The following DENND6A variants were observed in gnomAD, a reference collection of about 807,000 sequenced individuals.
DENND6A encodes the protein DENN domain containing 6A, also known as protein DENND6A.
Under a neutral mutation model 95.5 loss-of-function variants are expected in DENND6A, and 43 were observed. That is an observed-to-expected ratio of 0.45 (90% confidence interval 0.35 to 0.58). The LOEUF (loss-of-function observed/expected upper bound fraction) is 0.58. Among genes scored for constraint, DENND6A ranks in the 20% least tolerant of loss-of-function variants. The pLI is 0.00. For missense variants in DENND6A, 574 were observed against 736.0 expected, an observed-to-expected ratio of 0.78 and a Z score of 2.55; for synonymous variants, 257 against 260.4, an observed-to-expected ratio of 0.99 and a Z score of 0.13.
chr3:57,633,542 C>T (rs1412820683), intron 14 of DENND6A, among the ~76,000 whole-genome samples, 188 bp from the exon 15 acceptor site: 1 of 152,090 alleles, frequency 6.6e-6, no homozygotes, highest in Non-Finnish European at 1.5e-5. Flanking sequence ...TTTACCGGAG[C>T]AAAACATAAG....
At chr3:57,647,019 A>G (rs1468915913) in intron 9 of DENND6A, among the ~76,000 whole-genome samples, 1 of 152,170 alleles carries the variant, frequency 6.6e-6, no homozygotes, top group African/African-American at 2.4e-5. Context: ...CTCTGCTAGT[A>G]TGTTACCAGG....
At chr3:57,659,031 C>G (rs2071377791) in intron 8 of DENND6A, 87 bp downstream of exon 8, 1 of 1,243,302 alleles carries the variant, frequency 8.0e-7, no homozygotes, top group African/African-American at 1.5e-5. Context: ...ATGTAATAAA[C>G]TCAAGAAACT....
Position 57,660,777 on chromosome 3 carries a change from T to G in DENND6A, c.682A>C (p.Met228Leu), listed in dbSNP as rs771062625. ...GATATTACCTTCATTACCACCCCCATGATTGGCAGGTGTAATGTTTTCCCT... is the reference window on the plus strand; with the variant it reads ...GATATTACCTTCATTACCACCCCCAGGATTGGCAGGTGTAATGTTTTCCCT... ...VPGKTLHLPI[M>L]GVVMKVRIPT... The change falls in exon 7 of 20, where the codon ATG (methionine) becomes CTG (leucine). Residue 228 changes from methionine to leucine, a missense_variant. Coordinates refer to ENST00000311128, the MANE Select transcript of DENND6A (RefSeq NM_152678.3). 6 of 1,608,708 alleles carry G rather than the reference T, an allele frequency of 3.7e-6. No individual in the cohort carries two copies. The highest frequency in any genetic ancestry group is 5.1e-6 in the Non-Finnish European group (6 of 1,177,594).
At chr3:57,644,733 A>G (rs1287508124) in intron 11 of DENND6A, among the ~76,000 whole-genome samples, 21 of 7,086 alleles carry the variant, frequency 3.0e-3, no homozygotes, top group Non-Finnish European at 4.2e-3. Flanking sequence ...GAGGAGGGGA[A>G]GGGAGGGGAG....
chr3:57,652,980 T>C (rs556849369), intron 9 of DENND6A, among the ~76,000 whole-genome samples: 1 of 152,330 alleles, frequency 6.6e-6, no homozygotes, highest in South Asian at 2.1e-4. Flanking sequence ...GAACTGGTCT[T>C]AGTATTAGAT....
chr3:57,637,813 AT>A (rs143270039), intron 12 of DENND6A, among the ~76,000 whole-genome samples: 106,709 of 144,662 alleles, frequency 0.74, 41,331 homozygotes, highest in East Asian at 0.99. Flanking sequence ...AACAAAAAAA[AT>A]AAATAAATAA....
chr3:57,677,782 C>T (rs192100117), intron 1 of DENND6A, among the ~76,000 whole-genome samples: 2 of 152,132 alleles, frequency 1.3e-5, no homozygotes, highest in African/African-American at 2.4e-5. Flanking sequence ...TCCTTGATGG[C>T]AGAAAGCACT....
At chr3:57,634,673 T>C in intron 13 of DENND6A, 31 bp downstream of exon 13, 1 of 1,502,720 alleles carries the variant, frequency 6.7e-7, no homozygotes, top group South Asian at 1.3e-5. Flanking sequence ...ACCATATAAA[T>C]ATATATTTAA....
chr3:57,669,197 A>T (rs1421676832), intron 3 of DENND6A, among the ~76,000 whole-genome samples: 2 of 152,030 alleles, frequency 1.3e-5, no homozygotes, highest in Non-Finnish European at 2.9e-5. Flanking sequence ...ATAAACACAT[A>T]AAAAAACCAA....
chr3:57,679,030 G>T (rs560694549), intron 1 of DENND6A, among the ~76,000 whole-genome samples: 1 of 152,362 alleles, frequency 6.6e-6, no homozygotes, highest in South Asian at 2.1e-4. Context: ...CTTGAATCCA[G>T]AAGGTGGAGG....
intron 12 of DENND6A, among the ~76,000 whole-genome samples, chr3:57,638,927 T>C (rs1156258816): frequency 6.6e-6 from 1 of 151,950 alleles, no homozygotes; most frequent in Non-Finnish European, 1.5e-5. Context: ...CAAGATCCTG[T>C]CTCTACAGAA....
chr3:57,663,579 T>A, intron 5 of DENND6A, 57 bp downstream of exon 5: 1 of 1,286,326 alleles, frequency 7.8e-7, no homozygotes, highest in Non-Finnish European at 1.1e-6. Context: ...TAACACTTTC[T>A]ATTTTTCTAA....
intron 1 of DENND6A, among the ~76,000 whole-genome samples, chr3:57,687,326 C>T (rs535950685): frequency 1.7e-4 from 26 of 152,300 alleles, no homozygotes; most frequent in Admixed American, 9.2e-4. Context: ...AGAGCAAGAG[C>T]GCAACTCTTT....
intron 15 of DENND6A, among the ~76,000 whole-genome samples, chr3:57,632,304 G>A (rs1575812628): frequency 6.6e-6 from 1 of 151,828 alleles, no homozygotes; most frequent in East Asian, 1.9e-4. Flanking sequence ...GATTACAGAC[G>A]TGAGCCACCA....
At chr3:57,641,283 T>C (rs1168325941) in intron 12 of DENND6A, among the ~76,000 whole-genome samples, 1 of 144,010 alleles carries the variant, frequency 6.9e-6, no homozygotes. Context: ...AAAATATATA[T>C]TTAAATATTA....
At chr3:57,666,090 A>G in intron 4 of DENND6A, 33 bp downstream of exon 4, 1 of 1,566,178 alleles carries the variant, frequency 6.4e-7, no homozygotes, top group Non-Finnish European at 8.8e-7. Context: ...GTTTCCTCTC[A>G]CATGGACATT....
chr3:57,659,285 C>T (rs775880221), intron 7 of DENND6A, 105 bp from the exon 8 acceptor site: 99 of 1,142,102 alleles, frequency 8.7e-5, no homozygotes, highest in Admixed American at 6.2e-4. Context: ...AAAAAAGCTA[C>T]AAAAACAAAA....
At chr3:57,630,860 A>T in intron 16 of DENND6A, 36 bp from the exon 17 acceptor site, 1 of 1,610,594 alleles carries the variant, frequency 6.2e-7, no homozygotes, top group Non-Finnish European at 8.5e-7. Flanking sequence ...AGAAATTAGG[A>T]GTGGATATGT....
chr3:57,650,304 C>T (rs1395240915), intron 9 of DENND6A, among the ~76,000 whole-genome samples: 22 of 149,358 alleles, frequency 1.5e-4, no homozygotes, highest in African/African-American at 5.2e-4. Flanking sequence ...AACAAAAAAC[C>T]TAAAAAAAAA....
Sources: allele counts gnomAD v4.1 joint callset (sites outside exome capture counted in the v4.1 genomes callset), GRCh38; gene constraint gnomAD v4.1.1; transcripts MANE v1.5; gene names NCBI Gene and HGNC (gene_info 2026-07-23, HGNC 2026-07-21).